CFAP92: variants seen among roughly 807,000 people sequenced by gnomAD.
The protein encoded by CFAP92 is uncharacterized protein CFAP92.
Under a neutral mutation model 106.3 loss-of-function variants are expected in CFAP92, and 86 were observed. The ratio of observed to expected loss-of-function variants is 0.81; its 90% confidence interval spans 0.68 to 0.97. The LOEUF (loss-of-function observed/expected upper bound fraction) is 0.97. CFAP92 is among the 50% of genes least tolerant of loss of function. CFAP92 has a pLI of 0.00. For synonymous variants in CFAP92, 477 were observed against 506.4 expected, an observed-to-expected ratio of 0.94 and a Z score of 0.78; for missense variants, 1,204 against 1,283.8, an observed-to-expected ratio of 0.94 and a Z score of 0.95.
At chr3:128,925,226 T>A (rs980671801) in intron 12 of CFAP92, among the ~76,000 whole-genome samples, 7 of 152,244 alleles carry the variant, frequency 4.6e-5, no homozygotes, top group African/African-American at 1.7e-4. Flanking sequence ...CTGTTCCACC[T>A]CAGCTCATCA....
At chr3:129,008,472 C>T in the CFAP92 span, among the ~76,000 whole-genome samples, 1 of 152,206 alleles carries the variant, frequency 6.6e-6, no homozygotes, top group Non-Finnish European at 1.5e-5. Flanking sequence ...AGAGGGGCTT[C>T]TCATAGCACC....
intron 12 of CFAP92, among the ~76,000 whole-genome samples, chr3:128,923,243 C>G (rs1411380280): frequency 1.3e-5 from 2 of 152,294 alleles, no homozygotes; most frequent in South Asian, 2.1e-4. Context: ...GGGGTTCCCC[C>G]AGTACGAGCC....
At chr3:128,974,940 G>A (rs1451437971) in intron 7 of CFAP92, among the ~76,000 whole-genome samples, 1 of 151,464 alleles carries the variant, frequency 6.6e-6, no homozygotes, top group Non-Finnish European at 1.5e-5. Context: ...CTAACATGGT[G>A]AAACCCCGTC....
intron 10 of CFAP92, among the ~76,000 whole-genome samples, chr3:128,943,930 T>TG (rs938876005): frequency 2.5e-5 from 3 of 117,998 alleles, no homozygotes; most frequent in East Asian, 3.6e-4. Context: ...GTTTTTTTTT[T>TG]TTTTTTTTTT....
In CFAP92 at chr3:128,933,017, C is replaced by G. The variant is rs1011987470; in HGVS notation, c.2454-20G>C. ...TGGATCCTGGAACAAAGAACCACTG[C>G]CCCACTGAACCTCTCCTACCTTGCA... On this transcript the variant is annotated intron_variant, in intron 11 of 15. Coordinates refer to ENST00000645291, the MANE Select transcript of CFAP92 (RefSeq NM_001394090.1). 3 of 1,534,500 alleles carry G rather than the reference C, an allele frequency of 2.0e-6. No individual in the cohort carries two copies. The highest frequency in any genetic ancestry group is 2.6e-6 in the Non-Finnish European group (3 of 1,145,678).
chr3:129,021,522 C>T, the CFAP92 span, among the ~76,000 whole-genome samples: 1 of 152,094 alleles, frequency 6.6e-6, no homozygotes, highest in Admixed American at 6.5e-5. Context: ...TGTGGTGAGA[C>T]TAGATCATGC....
chr3:128,912,991 C>T (rs1936516451), intron 15 of CFAP92: 1 of 465,378 alleles, frequency 2.1e-6, no homozygotes. Context: ...ACCACACATT[C>T]TCTAAGAAAC....
upstream of CFAP92, among the ~76,000 whole-genome samples, chr3:128,994,855 T>A (rs1944422297): frequency 6.6e-6 from 1 of 152,076 alleles, no homozygotes; most frequent in South Asian, 2.1e-4. Context: ...GGGGGGTGAC[T>A]AGGCAGAGGC....
chr3:128,920,635 AAG>A (rs1294134715), intron 12 of CFAP92, among the ~76,000 whole-genome samples: 3 of 152,138 alleles, frequency 2.0e-5, no homozygotes, highest in African/African-American at 7.2e-5. Flanking sequence ...CGTAACGTAA[AAG>A]AGTCTTGGAA....
rs573224807 is a variant in CFAP92 at position 128,963,138 on chromosome 3, A to G, written c.1353+2373T>C. Among the ~76,000 whole-genome samples the G allele has an allele frequency of 3.3e-5, 5 of 152,288 alleles. No homozygotes were observed. In the East Asian group the frequency reaches 9.6e-4, roughly 29 times the overall value. ...CCTCATCTGTTACCTATCTTGGCAT[A>G]ATTCTCATAAAAACACATGTGCTCT... On this transcript the variant is annotated intron_variant, in intron 9 of 15. Transcript: ENST00000645291.
chr3:128,987,695 G>T lies in CFAP92; in HGVS notation c.588C>A (p.Asp196Glu), dbSNP rs772064757. The T allele has an allele frequency of 1.9e-6, 3 of 1,613,874 alleles. No individual in the cohort carries two copies. The highest frequency in any genetic ancestry group is 2.5e-6 in the Non-Finnish European group (3 of 1,179,862). Residue 196 changes from aspartate to glutamate, a missense_variant, in exon 4 of 16, where the codon GAC (aspartate) becomes GAA (glutamate). Asp to Glu is a conservative substitution (Grantham distance 45). Coordinates refer to ENST00000645291, the MANE Select transcript of CFAP92 (RefSeq NM_001394090.1). ...KITLRLWNTK[D>E]KMSRKVRYYR... The stretch of plus-strand genomic sequence containing the variant: ...AATATCTGACTTTTCTTGACATCTT[G>T]TCTTTAGTGTTCCAGAGCCTCAAGG...
chr3:129,019,475 G>A, the CFAP92 span, among the ~76,000 whole-genome samples: 16 of 152,246 alleles, frequency 1.1e-4, no homozygotes, highest in East Asian at 3.1e-3. Flanking sequence ...GACCGCAGCA[G>A]GACCCTCACT....
upstream of CFAP92, chr3:129,004,057 G>T: frequency 6.6e-7 from 1 of 1,511,176 alleles, no homozygotes; most frequent in Non-Finnish European, 8.8e-7. Flanking sequence ...GGCGGCTGGA[G>T]GCGGAGCTGC....
intron 12 of CFAP92, among the ~76,000 whole-genome samples, chr3:128,921,217 C>A (rs1454423294): frequency 6.6e-6 from 1 of 152,162 alleles, no homozygotes; most frequent in Non-Finnish European, 1.5e-5. Context: ...CAATATGAGG[C>A]AACGAACACC....
At chr3:128,988,359 A>C (rs1026366536) in intron 3 of CFAP92, among the ~76,000 whole-genome samples, 1 of 152,110 alleles carries the variant, frequency 6.6e-6, no homozygotes. Flanking sequence ...TGGCCAACAT[A>C]GTGAAATCCC....
intron 9 of CFAP92, among the ~76,000 whole-genome samples, chr3:128,951,853 C>A (rs1004920492): frequency 6.6e-6 from 1 of 152,192 alleles, no homozygotes; most frequent in Non-Finnish European, 1.5e-5. Context: ...CCTTACCTCA[C>A]TGGGGTAGTG....
At chr3:129,006,857 G>A (rs1242162757), upstream of CFAP92, among the ~76,000 whole-genome samples, 1 of 152,174 alleles carries the variant, frequency 6.6e-6, no homozygotes, top group Non-Finnish European at 1.5e-5. Flanking sequence ...AAGTTTGCTG[G>A]TTTGTGGACT....
chr3:128,981,194 A>G (rs1401902142), intron 4 of CFAP92, among the ~76,000 whole-genome samples: 2 of 150,924 alleles, frequency 1.3e-5, no homozygotes, highest in South Asian at 2.1e-4. Context: ...CCACCACCAC[A>G]CCCGGCTAAT....
intron 2 of CFAP92, 28 bp from the exon 3 acceptor site, chr3:128,988,946 G>GT (rs1559936661): frequency 6.4e-7 from 1 of 1,567,290 alleles, no homozygotes; most frequent in Non-Finnish European, 8.7e-7. Context: ...AAAAAGTCTC[G>GT]TTTTAACCTC....
Sources: allele counts gnomAD v4.1 joint callset (sites outside exome capture counted in the v4.1 genomes callset), GRCh38; gene constraint gnomAD v4.1.1; transcripts MANE v1.5; gene names NCBI Gene and HGNC (gene_info 2026-07-23, HGNC 2026-07-21).